GPC3: variants seen among roughly 807,000 people sequenced by gnomAD.
The protein encoded by GPC3 is glypican 3.
GPC3 carries 3 observed loss-of-function variants against 34.4 expected under a neutral mutation model. The observed-to-expected ratio is 0.09, with a 90% confidence interval of 0.04 to 0.23. The LOEUF (loss-of-function observed/expected upper bound fraction) is 0.23. Ranked by LOEUF, GPC3 falls within the 10% of genes least tolerant of loss-of-function variation. The pLI, the probability that GPC3 is intolerant of heterozygous loss-of-function variation, is 1.00. For missense variants in GPC3, 351 were observed against 445.6 expected (o/e 0.79, Z 1.91); for synonymous variants, 177 against 174.0 (o/e 1.02, Z -0.13).
intron 6 of GPC3, among the ~76,000 whole-genome samples, chrX:133,642,823 A>G (rs893146770): frequency 1.2e-4 from 13 of 109,990 alleles, no homozygotes; most frequent in African/African-American, 4.3e-4. Context: ...AAAAAGAAAA[A>G]GAAAGAAAAG....
intron 2 of GPC3, among the ~76,000 whole-genome samples, chrX:133,951,223 T>C (rs768173985): frequency 9.1e-6 from 1 of 110,487 alleles, no homozygotes; most frequent in Non-Finnish European, 1.9e-5. Context: ...TGGAAGCTAA[T>C]CCAACCAAAA....
At chrX:133,667,015 G>A (rs906044525) in intron 5 of GPC3, among the ~76,000 whole-genome samples, 1 of 111,305 alleles carries the variant, frequency 9.0e-6, no homozygotes, top group Admixed American at 9.6e-5. Flanking sequence ...AATATATAAC[G>A]AATGAGATTT....
chrX:133,842,748 C>G (rs5975429), intron 2 of GPC3, among the ~76,000 whole-genome samples: 1 of 110,122 alleles, frequency 9.1e-6, no homozygotes, highest in Non-Finnish European at 1.9e-5. Context: ...TTATTATTAT[C>G]AGATACTCAG....
chrX:133,548,278 G>A (rs2069404282), intron 7 of GPC3, among the ~76,000 whole-genome samples: 1 of 111,408 alleles, frequency 9.0e-6, no homozygotes, highest in Non-Finnish European at 1.9e-5. Context: ...GAGTGAGGGA[G>A]TGGCCTTGCA....
intron 3 of GPC3, among the ~76,000 whole-genome samples, chrX:133,723,272 T>A (rs188687417): frequency 7.3e-4 from 81 of 111,678 alleles, no homozygotes; most frequent in Middle Eastern, 4.6e-3. Flanking sequence ...GTTAGGGCAA[T>A]TCTCCCTTCT....
chrX:133,662,049 CT>C (rs35786797), intron 5 of GPC3, among the ~76,000 whole-genome samples, 199 bp from the exon 6 acceptor site: 2 of 110,915 alleles, frequency 1.8e-5, no homozygotes, highest in South Asian at 7.8e-4. Flanking sequence ...ATACAACATG[CT>C]TTTTTTCCCC....
intron 1 of GPC3, among the ~76,000 whole-genome samples, chrX:133,966,758 C>T (rs1464641564): frequency 1.8e-5 from 2 of 112,399 alleles, no homozygotes; most frequent in Admixed American, 1.9e-4. Context: ...AGTGTCTATA[C>T]TAACGTGCTC....
chrX:133,570,287 C>T (rs181468254), intron 7 of GPC3, among the ~76,000 whole-genome samples: 53 of 111,155 alleles, frequency 4.8e-4, no homozygotes, highest in African/African-American at 1.6e-3. Flanking sequence ...CCGCAACCTC[C>T]GCCTCTTAGG....
At chrX:133,549,600 C>T (rs1437414794) in intron 7 of GPC3, among the ~76,000 whole-genome samples, 1 of 106,348 alleles carries the variant, frequency 9.4e-6, no homozygotes, top group Non-Finnish European at 1.9e-5. Flanking sequence ...ATTCCCTTAG[C>T]CTGGAATGGC....
chrX:133,972,554 A>G (rs1300813941), intron 1 of GPC3, among the ~76,000 whole-genome samples: 1 of 112,442 alleles, frequency 8.9e-6, no homozygotes, highest in Non-Finnish European at 1.9e-5. Context: ...GTTACAAATT[A>G]TTAGCCACTG....
intron 7 of GPC3, among the ~76,000 whole-genome samples, chrX:133,563,846 G>A (rs935315996): frequency 8.9e-6 from 1 of 112,038 alleles, no homozygotes; most frequent in Non-Finnish European, 1.9e-5. Flanking sequence ...CCCATTTCCA[G>A]TTGTGAGAAG....
In GPC3 at chrX:133,893,449, T is replaced by A. The variant is rs373188323; in HGVS notation, c.337+59601A>T. The stretch of plus-strand genomic sequence containing the variant: ...TTATTTTTTAATTTTTGTCTTTTAT[T>A]TATTCTTTATTATCGTTAGAATTTA... On this transcript the variant is annotated intron_variant, in intron 2 of 7. Coordinates refer to ENST00000370818, the MANE Select transcript of GPC3 (RefSeq NM_004484.4). 1.2e-4 allele frequency among the ~76,000 whole-genome samples: 14 copies of A among 112,107 alleles called. No individual in the cohort carries two copies. The East Asian group carries it at 3.6e-3, about 29-fold the overall frequency.
chrX:133,668,003 G>A (rs1331513587), intron 5 of GPC3, among the ~76,000 whole-genome samples: 1 of 108,988 alleles, frequency 9.2e-6, no homozygotes, highest in South Asian at 4.1e-4. Flanking sequence ...CTGGGTTCAC[G>A]TCATTCTCCT....
chrX:133,856,791 C>T (rs909992572), intron 2 of GPC3, among the ~76,000 whole-genome samples: 2 of 111,801 alleles, frequency 1.8e-5, no homozygotes, highest in African/African-American at 6.5e-5. Context: ...GTAGCAAAGA[C>T]TAAGGTGAAC....
At chrX:133,620,080 T>C (rs1322796240) in intron 6 of GPC3, among the ~76,000 whole-genome samples, 1 of 107,822 alleles carries the variant, frequency 9.3e-6, no homozygotes, top group Non-Finnish European at 1.9e-5. Context: ...ATTAGTTGGG[T>C]GAGGTGGCGG....
intron 7 of GPC3, among the ~76,000 whole-genome samples, chrX:133,541,291 C>T (rs1474163708): frequency 3.6e-5 from 4 of 110,209 alleles, no homozygotes; most frequent in Non-Finnish European, 7.6e-5. Flanking sequence ...GCTAAATCTA[C>T]ATCAAACCAG....
intron 7 of GPC3, among the ~76,000 whole-genome samples, chrX:133,559,237 A>G (rs1306924736): frequency 9.0e-6 from 1 of 111,679 alleles, no homozygotes; most frequent in East Asian, 2.9e-4. Flanking sequence ...TGCTGAGAAC[A>G]TTTATGGATG....
chrX:133,553,596 G>A (rs2069456575), intron 7 of GPC3, among the ~76,000 whole-genome samples: 1 of 111,743 alleles, frequency 8.9e-6, no homozygotes, highest in South Asian at 3.8e-4. Flanking sequence ...GAGTGTTGAG[G>A]TGTAGCATCA....
At chrX:133,571,451 C>G (rs888915041) in intron 7 of GPC3, among the ~76,000 whole-genome samples, 1 of 111,114 alleles carries the variant, frequency 9.0e-6, no homozygotes, top group Non-Finnish European at 1.9e-5. Context: ...CAAGCTCCGC[C>G]TCTGGGGTTC....
Sources: allele counts gnomAD v4.1 joint callset (sites outside exome capture counted in the v4.1 genomes callset), GRCh38; gene constraint gnomAD v4.1.1; transcripts MANE v1.5; gene names NCBI Gene and HGNC (gene_info 2026-07-23, HGNC 2026-07-21).